The following IQGAP2 variants were observed in gnomAD, a reference collection of about 807,000 sequenced individuals.
The protein encoded by IQGAP2 is IQ motif containing GTPase activating protein 2, also known as ras GTPase-activating-like protein IQGAP2.
A neutral mutation model predicts 201.3 loss-of-function variants in IQGAP2; 173 were observed. The ratio of observed to expected loss-of-function variants is 0.86; its 90% CI spans 0.76 to 0.98. IQGAP2 has a LOEUF of 0.98. IQGAP2 is among the 50% of genes least tolerant of loss of function. The pLI is 0.00. For synonymous variants in IQGAP2, 675 were observed against 673.9 expected (o/e 1.00, Z -0.03); for missense variants, 1,687 against 1,864.8 (o/e 0.90, Z 1.76).
rs182243202 is a variant in IQGAP2, at chr5:76,647,268, G to T, written c.2095-5482G>T. Among the ~76,000 whole-genome samples the T allele has an allele frequency of 2.5e-3, 375 of 152,240 alleles. 1 individual carries two copies. The highest frequency in any genetic ancestry group is 4.1e-3 in the Non-Finnish European group (277 of 68,006). ...TAAGTAGTGAACCTTGGGACCCAAGGAATGACATAGTGGTGAGTTCTTTGA... is the reference window on the plus strand; with the variant it reads ...TAAGTAGTGAACCTTGGGACCCAAGTAATGACATAGTGGTGAGTTCTTTGA... On this transcript the variant is annotated intron_variant, in intron 17 of 35. Transcript: ENST00000274364.
At chr5:76,617,930 T>A in intron 13 of IQGAP2, 1 of 1,613,200 alleles carries the variant, frequency 6.2e-7, no homozygotes. Flanking sequence ...AGTAATAGAG[T>A]TGGAAGGGAG....
At chr5:76,652,602 C>T (rs1357323250) in intron 17 of IQGAP2, 148 bp from the exon 18 acceptor site, 4 of 693,666 alleles carry the variant, frequency 5.8e-6, no homozygotes, top group Non-Finnish European at 1.1e-5. Flanking sequence ...TGGCTACCCC[C>T]AGAGAGGGTG....
intron 1 of IQGAP2, among the ~76,000 whole-genome samples, chr5:76,457,787 G>T (rs1367348777): frequency 1.3e-5 from 2 of 152,096 alleles, no homozygotes; most frequent in Admixed American, 1.3e-4. Context: ...CTAACAACTT[G>T]CTTTCATTCT....
rs1746445081 is a variant in IQGAP2 at position 76,693,366 on chromosome 5, T to C, written c.3917T>C (p.Leu1306Pro). Residue 1306 changes from leucine (L) to proline (P), a missense_variant, in exon 31 of 36, where the codon CTG becomes CCG. Leu to Pro is a moderately conservative substitution (Grantham distance 98). Transcript: ENST00000274364. ...SRSLMIKTKK[L>P]IIDVIRNQPG... is the part of the protein sequence containing the mutation. ...TCTGGTTTGTTAAGGACCAAGAAGC[T>C]GATAATTGATGTGATCCGGAACCAG... is the stretch of plus-strand genomic sequence containing the variant. 3.7e-6 allele frequency: 6 copies of C among 1,612,900 alleles called. No individual in the cohort carries two copies. Among genetic ancestry groups the C allele is most frequent in the African/African-American group, 1.3e-5 (1 of 74,876 alleles).
chr5:76,403,520 C>G lies in IQGAP2; in HGVS notation c.-26C>G. ...GAGGGTAGCCGCGGGGGGCGCGCCC[C>G]GGGCGGGCCCCCGGAGACGCGCAGG... is the stretch of plus-strand genomic sequence containing the variant. On this transcript the variant is annotated 5_prime_UTR_variant, in exon 1 of 36. Transcript: ENST00000274364. This position sits in a 1 kb window ranked among gnomAD's most constrained non-coding sequence, Gnocchi z 4.8. 6.8e-7 allele frequency: 1 copy of G among 1,467,398 alleles called. No homozygotes were observed. The highest frequency in any genetic ancestry group is 9.0e-7 in the Non-Finnish European group (1 of 1,115,846). 90.9% of individuals were successfully genotyped at this position (1,467,398 alleles called of 1,614,324 possible).
chr5:76,561,472 T>C (rs1744358720), intron 2 of IQGAP2, among the ~76,000 whole-genome samples: 1 of 152,186 alleles, frequency 6.6e-6, no homozygotes, highest in Non-Finnish European at 1.5e-5. Flanking sequence ...AGGGAGACTG[T>C]CTATATAGAT....
intron 1 of IQGAP2, among the ~76,000 whole-genome samples, chr5:76,460,319 T>G (rs558927392): frequency 2.0e-5 from 3 of 152,292 alleles, no homozygotes; most frequent in Admixed American, 1.3e-4. Context: ...GCAGAAGCAC[T>G]CAGCGTTGGA....
At chr5:76,475,122 G>GA in intron 2 of IQGAP2, among the ~76,000 whole-genome samples, 1 of 152,126 alleles carries the variant, frequency 6.6e-6, no homozygotes, top group Admixed American at 6.5e-5. Flanking sequence ...CCCCAGCTTA[G>GA]AAAAAAGGAA....
At chr5:76,700,260 G>A (rs1457216735) in intron 33 of IQGAP2, among the ~76,000 whole-genome samples, 1 of 152,102 alleles carries the variant, frequency 6.6e-6, no homozygotes, top group Non-Finnish European at 1.5e-5. Flanking sequence ...AGTGAACTTT[G>A]AGCCTCAGTT....
intron 2 of IQGAP2, among the ~76,000 whole-genome samples, chr5:76,526,009 T>TA (rs1203175581): frequency 6.6e-6 from 1 of 152,234 alleles, no homozygotes; most frequent in Non-Finnish European, 1.5e-5. Flanking sequence ...TAATGCAAAG[T>TA]AAAATGTAAT....
intron 13 of IQGAP2, among the ~76,000 whole-genome samples, chr5:76,622,701 C>T (rs371157905): frequency 2.0e-5 from 3 of 152,238 alleles, no homozygotes; most frequent in African/African-American, 4.8e-5. Context: ...TCATTCATTT[C>T]GGAAATACTG....
chr5:76,637,500 T>A (rs1751240335), intron 16 of IQGAP2, among the ~76,000 whole-genome samples: 2 of 152,216 alleles, frequency 1.3e-5, no homozygotes, highest in South Asian at 4.1e-4. Flanking sequence ...ATTCCTGGGT[T>A]GTCAATATTT....
chr5:76,454,690 C>G (rs1184168514), intron 1 of IQGAP2, among the ~76,000 whole-genome samples: 1 of 150,940 alleles, frequency 6.6e-6, no homozygotes, highest in Non-Finnish European at 1.5e-5. Flanking sequence ...TCCAGTCTAT[C>G]ATTGTTGGAC....
intron 4 of IQGAP2, among the ~76,000 whole-genome samples, chr5:76,571,626 G>C (rs1267666397): frequency 9.2e-5 from 14 of 152,188 alleles, no homozygotes; most frequent in Admixed American, 9.2e-4. Flanking sequence ...GCATCCTAAA[G>C]TCTGTGAGAG....
intron 1 of IQGAP2, among the ~76,000 whole-genome samples, chr5:76,414,754 G>C (rs1300520518): frequency 1.3e-5 from 2 of 152,216 alleles, no homozygotes; most frequent in African/African-American, 4.8e-5. Flanking sequence ...TGATTCTGGT[G>C]ATAGTCTCAA....
intron 2 of IQGAP2, among the ~76,000 whole-genome samples, chr5:76,471,390 C>A (rs564794071): frequency 2.8e-5 from 4 of 143,744 alleles, no homozygotes; most frequent in Admixed American, 2.8e-4. Flanking sequence ...AAAAAAACAC[C>A]CTTCCCTTGG....
intron 15 of IQGAP2, 61 bp downstream of exon 15, chr5:76,632,087 A>G (rs1750760873): frequency 7.5e-7 from 1 of 1,341,540 alleles, no homozygotes; most frequent in Non-Finnish European, 1.0e-6. Flanking sequence ...CTGTGGTATT[A>G]TATTTTCTTA....
chr5:76,532,264 C>T (rs1759346760), intron 2 of IQGAP2, among the ~76,000 whole-genome samples: 1 of 152,082 alleles, frequency 6.6e-6, no homozygotes, highest in Admixed American at 6.5e-5. Flanking sequence ...CCCAGATACT[C>T]AAGAGGCTGA....
intron 2 of IQGAP2, among the ~76,000 whole-genome samples, chr5:76,541,595 G>A (rs1742776082): frequency 6.6e-6 from 1 of 152,118 alleles, no homozygotes; most frequent in Non-Finnish European, 1.5e-5. Context: ...TTTTTGAGGA[G>A]CCACCAAACT....
Sources: gnomAD v4.1 joint callset for allele counts (sites outside exome capture counted in the v4.1 genomes callset) on GRCh38, gnomAD v4.1.1 for gene constraint, Gnocchi (gnomAD v3.1) non-coding constraint, MANE v1.5 for transcripts, NCBI Gene and HGNC (gene_info 2026-07-23, HGNC 2026-07-21) for gene names.